The following LRRC7 variants were observed in gnomAD, a reference collection of about 807,000 sequenced individuals.
LRRC7 encodes the protein leucine-rich repeat-containing protein 7.
In LRRC7, 23 loss-of-function variants were observed where a neutral mutation model predicts 175.7. That is an observed-to-expected ratio of 0.13 (90% confidence interval 0.09 to 0.19). The LOEUF (loss-of-function observed/expected upper bound fraction) is 0.19, where lower values mean the gene tolerates loss of function less well. Among genes scored for constraint, LRRC7 ranks in the 10% least tolerant of loss-of-function variants. The probability of loss-of-function intolerance (pLI) is 1.00; values close to 1 mark genes in which losing one functional copy is unlikely to be tolerated. For missense variants in LRRC7, 1,354 were observed against 1,904.7 expected, an observed-to-expected ratio of 0.71 and a Z score of 5.38; for synonymous variants, 685 against 680.9, an observed-to-expected ratio of 1.01 and a Z score of -0.09.
intron 8 of LRRC7, among the ~76,000 whole-genome samples, chr1:69,965,614 TTTTAAAAAA>T (rs1164725010): frequency 6.6e-6 from 1 of 152,044 alleles, no homozygotes; most frequent in Non-Finnish European, 1.5e-5. Context: ...TAATTAAATT[TTTTAAAAAA>T]TTTTAAAAAT....
intron 8 of LRRC7, among the ~76,000 whole-genome samples, chr1:69,957,218 A>G (rs12038061): frequency 0.071 from 10,796 of 151,886 alleles, 411 homozygotes; most frequent in South Asian, 0.11. Context: ...TAACTTTGGA[A>G]CTGATACATG....
chr1:70,021,806 T>A (rs1019175713), intron 16 of LRRC7, among the ~76,000 whole-genome samples: 10 of 152,330 alleles, frequency 6.6e-5, no homozygotes, highest in African/African-American at 2.2e-4. Flanking sequence ...TTTTTAATTA[T>A]CATCAGAATT....
chr1:70,061,080 C>T (rs1661541101), intron 23 of LRRC7, among the ~76,000 whole-genome samples: 1 of 151,996 alleles, frequency 6.6e-6, no homozygotes, highest in Non-Finnish European at 1.5e-5. Flanking sequence ...CAAATGAGAA[C>T]AATCTTCTCC....
intron 4 of LRRC7, among the ~76,000 whole-genome samples, chr1:69,814,007 A>AAT (rs1216075611): frequency 1.3e-5 from 2 of 152,134 alleles, no homozygotes; most frequent in Admixed American, 1.3e-4. Flanking sequence ...ATATACAACA[A>AAT]ATATATATAA....
At chr1:69,663,320 C>A (rs1234471093) in intron 1 of LRRC7, among the ~76,000 whole-genome samples, 3 of 152,046 alleles carry the variant, frequency 2.0e-5, no homozygotes, top group Admixed American at 6.5e-5. Context: ...AGTTAAAATT[C>A]AATACATTTT....
chr1:69,666,415 G>A (rs1658278094), intron 1 of LRRC7, among the ~76,000 whole-genome samples: 1 of 152,000 alleles, frequency 6.6e-6, no homozygotes, highest in Non-Finnish European at 1.5e-5. Context: ...TAAGTGTTTG[G>A]TAGAATTCAT....
chr1:70,035,735 T>G (rs1401410638), intron 18 of LRRC7, among the ~76,000 whole-genome samples: 2 of 152,078 alleles, frequency 1.3e-5, no homozygotes, highest in African/African-American at 4.8e-5. Context: ...CATATTTGTG[T>G]GAATCATACT....
intron 8 of LRRC7, among the ~76,000 whole-genome samples, chr1:69,966,166 G>C (rs1364527251): frequency 6.6e-6 from 1 of 151,996 alleles, no homozygotes; most frequent in Non-Finnish European, 1.5e-5. Flanking sequence ...ATGTCACTTT[G>C]GTTAGAGAAT....
intron 25 of LRRC7, among the ~76,000 whole-genome samples, chr1:70,092,714 C>T (rs528449645): frequency 7.2e-5 from 11 of 152,194 alleles, no homozygotes; most frequent in South Asian, 6.2e-4. Context: ...CTATATTGTT[C>T]GGTCTGGCAG....
intron 4 of LRRC7, among the ~76,000 whole-genome samples, chr1:69,816,657 T>G (rs1017419467): frequency 2.0e-5 from 3 of 152,204 alleles, no homozygotes; most frequent in Non-Finnish European, 4.4e-5. Context: ...ACTTCCATTT[T>G]CTATTTAATT....
At chr1:69,681,210 C>A (rs1204527781) in intron 2 of LRRC7, among the ~76,000 whole-genome samples, 1 of 152,054 alleles carries the variant, frequency 6.6e-6, no homozygotes, top group African/African-American at 2.4e-5. Context: ...TGTGATTCTA[C>A]AGATTCAGTA....
At chr1:69,900,178 A>C (rs1490940020) in intron 7 of LRRC7, among the ~76,000 whole-genome samples, 3 of 152,220 alleles carry the variant, frequency 2.0e-5, no homozygotes, top group Non-Finnish European at 4.4e-5. Context: ...CCCTTGCTCC[A>C]ACTAATAAAC....
At chr1:69,798,078 C>T (rs1199324203) in intron 4 of LRRC7, among the ~76,000 whole-genome samples, 2 of 151,982 alleles carry the variant, frequency 1.3e-5, no homozygotes, top group East Asian at 1.9e-4. Context: ...CCTGTCAACA[C>T]GCCCAGCTAA....
At chr1:69,664,566 GACC>G (rs1299887978) in intron 1 of LRRC7, among the ~76,000 whole-genome samples, 1 of 152,082 alleles carries the variant, frequency 6.6e-6, no homozygotes, top group African/African-American at 2.4e-5. Context: ...CAGTGATGTT[GACC>G]ACATTTCATA....
chr1:70,082,781 A>ATCTTTTTTTTTTTTTTTTTTT lies in LRRC7; in HGVS notation c.4452+6484_4452+6485insCTTTTTTTTTTTTTTTTTTTT. 2.3e-3 allele frequency among the ~76,000 whole-genome samples: 120 copies of ATCTTTTTTTTTTTTTTTTTTT among 52,308 alleles called. 34 individuals carry two copies. Among genetic ancestry groups the ATCTTTTTTTTTTTTTTTTTTT allele is most frequent in the East Asian group, 3.6e-3 (5 of 1,408 alleles). 34.3% of individuals were successfully genotyped at this position (52,308 alleles called of 152,430 possible). A position where few individuals can be genotyped will look rare whatever the true frequency, so the allele number is the denominator to read the frequency against. The stretch of plus-strand genomic sequence containing the variant: ...TATTAGTCAATCTTGATACCAGTAC[A>ATCTTTTTTTTTTTTTTTTTTT]TTTTTTTTTTTTTTTTTTTTTTTTT... On this transcript the variant is annotated intron_variant, in intron 24 of 26. Coordinates refer to ENST00000651989, the MANE Select transcript of LRRC7 (RefSeq NM_001370785.2).
intron 8 of LRRC7, among the ~76,000 whole-genome samples, chr1:69,963,731 A>G (rs1391231579): frequency 1.3e-5 from 2 of 152,174 alleles, no homozygotes; most frequent in Non-Finnish European, 2.9e-5. Flanking sequence ...AAGTCACCAA[A>G]GTTTGCGGTA....
intron 1 of LRRC7, among the ~76,000 whole-genome samples, chr1:69,611,637 T>C (rs1206224380): frequency 2.0e-5 from 3 of 152,078 alleles, no homozygotes; most frequent in Non-Finnish European, 2.9e-5. Context: ...CTATAACTCA[T>C]GCCTGAATCA....
intron 16 of LRRC7, among the ~76,000 whole-genome samples, chr1:70,022,095 C>T (rs543767910): frequency 6.6e-6 from 1 of 152,070 alleles, no homozygotes; most frequent in African/African-American, 2.4e-5. Context: ...AATATCGTTA[C>T]GGAGAACCCA....
In LRRC7 at chr1:69,760,537, C is replaced by A. The variant is rs1385037788; in HGVS notation, c.303+144C>A. ...AATTGATATAACTTCCCCCAATATT[C>A]TCATTACCTTTTAATGTTACTCCAT... On this transcript the variant is annotated intron_variant, in intron 3 of 26. Transcript: ENST00000651989. 1.3e-5 allele frequency: 9 copies of A among 691,394 alleles called. No homozygotes were observed. In the South Asian group the frequency reaches 1.7e-4, roughly 13 times the overall value. The allele number at this position is 691,394 out of a possible 1,614,324, so 42.8% of individuals were successfully genotyped here.
Sources: allele counts gnomAD v4.1 joint callset (sites outside exome capture counted in the v4.1 genomes callset), GRCh38; gene constraint gnomAD v4.1.1; transcripts MANE v1.5; gene names NCBI Gene and HGNC (gene_info 2026-07-23, HGNC 2026-07-21).